DLG2: variants seen among roughly 807,000 people sequenced by gnomAD.
DLG2 encodes the protein disks large homolog 2.
A neutral mutation model predicts 132.5 loss-of-function variants in DLG2; 45 were observed. The observed-to-expected ratio is 0.34, with a 90% confidence interval of 0.27 to 0.44. DLG2 has a LOEUF of 0.44. Among genes scored for constraint, DLG2 ranks in the 20% least tolerant of loss-of-function variants. DLG2 has a pLI of 1.00. For synonymous variants in DLG2, 424 were observed against 419.6 expected (o/e 1.01, Z -0.13); for missense variants, 1,045 against 1,196.9 (o/e 0.87, Z 1.87).
chr11:83,915,331 A>G (rs2076745592), intron 15 of DLG2, among the ~76,000 whole-genome samples: 1 of 152,152 alleles, frequency 6.6e-6, no homozygotes, highest in African/African-American at 2.4e-5. Context: ...AGTATTAAGG[A>G]TTAGTTTTAT....
intron 7 of DLG2, among the ~76,000 whole-genome samples, chr11:84,270,877 C>T (rs2097712855): frequency 1.3e-5 from 2 of 152,146 alleles, no homozygotes; most frequent in Admixed American, 1.3e-4. Flanking sequence ...TTATTTGAGC[C>T]GTATATTTGT....
chr11:84,771,966 A>G (rs1218360273), intron 6 of DLG2, among the ~76,000 whole-genome samples: 2 of 152,206 alleles, frequency 1.3e-5, no homozygotes, highest in Admixed American at 6.5e-5. Flanking sequence ...AATCCCATTG[A>G]CAATAGCTAC....
intron 6 of DLG2, among the ~76,000 whole-genome samples, chr11:84,546,212 A>C (rs2099389478): frequency 6.6e-6 from 1 of 152,058 alleles, no homozygotes; most frequent in South Asian, 2.1e-4. Context: ...ATGGTTTAGC[A>C]TCATCTCCCT....
chr11:84,100,480 T>G (rs2092427165), intron 9 of DLG2, among the ~76,000 whole-genome samples: 1 of 151,686 alleles, frequency 6.6e-6, no homozygotes, highest in East Asian at 1.9e-4. Flanking sequence ...CATGGTTGTG[T>G]TGTAATTTTT....
At chr11:85,306,061 G>T (rs1808949017) in intron 3 of DLG2, among the ~76,000 whole-genome samples, 1 of 152,090 alleles carries the variant, frequency 6.6e-6, no homozygotes, top group South Asian at 2.1e-4. Flanking sequence ...ATTTCTATGA[G>T]ATTCAATCTT....
At chr11:84,413,031 C>T (rs2098915224) in intron 7 of DLG2, among the ~76,000 whole-genome samples, 1 of 152,088 alleles carries the variant, frequency 6.6e-6, no homozygotes, top group Admixed American at 6.6e-5. Flanking sequence ...AATTTGAAAG[C>T]TAGAAATAAG....
chr11:83,714,419 C>A (rs1203540903), intron 18 of DLG2, among the ~76,000 whole-genome samples: 2 of 151,996 alleles, frequency 1.3e-5, no homozygotes, highest in Non-Finnish European at 1.5e-5. Flanking sequence ...AGATAGTATA[C>A]CCATTTCATA....
At chr11:84,328,446 A>G (rs2098443587) in intron 7 of DLG2, among the ~76,000 whole-genome samples, 1 of 152,158 alleles carries the variant, frequency 6.6e-6, no homozygotes, top group Admixed American at 6.5e-5. Flanking sequence ...ATAAATGGAC[A>G]TTTCTTTTAC....
chr11:84,531,317 C>T (rs552113267), intron 7 of DLG2, among the ~76,000 whole-genome samples: 11 of 151,966 alleles, frequency 7.2e-5, no homozygotes, highest in Non-Finnish European at 1.5e-4. Flanking sequence ...GACACTGAGA[C>T]CTACTTGAAA....
At chr11:84,581,912 CAAAAAAAA>C (rs780759635) in intron 6 of DLG2, among the ~76,000 whole-genome samples, 4 of 64,986 alleles carry the variant, frequency 6.2e-5, no homozygotes, top group South Asian at 4.5e-4. Flanking sequence ...TCTCAAAAAC[CAAAAAAAA>C]AAAAAAAAAA....
chr11:84,362,308 A>G (rs981239262), intron 7 of DLG2, among the ~76,000 whole-genome samples: 1 of 151,912 alleles, frequency 6.6e-6, no homozygotes, highest in Non-Finnish European at 1.5e-5. Flanking sequence ...TCTAATGGTA[A>G]CTCTAAGAAA....
intron 19 of DLG2, among the ~76,000 whole-genome samples, chr11:83,623,972 T>C (rs1343465207): frequency 6.6e-6 from 1 of 152,230 alleles, no homozygotes; most frequent in African/African-American, 2.4e-5. Flanking sequence ...TTTTGGGTTA[T>C]GAGGCAAAGT....
chr11:85,074,248 T>G (rs899599116), intron 6 of DLG2, among the ~76,000 whole-genome samples: 10 of 151,784 alleles, frequency 6.6e-5, no homozygotes, highest in African/African-American at 2.4e-4. Flanking sequence ...CTAAAATAAT[T>G]TTTTTAAGGT....
chr11:84,640,875 G>C (rs891339495), intron 6 of DLG2, among the ~76,000 whole-genome samples: 1 of 151,642 alleles, frequency 6.6e-6, no homozygotes, highest in African/African-American at 2.4e-5. Flanking sequence ...AGGAGGTGGA[G>C]GTTGCAGTGA....
chr11:84,615,696 T>C (rs2099602710), intron 6 of DLG2, among the ~76,000 whole-genome samples: 1 of 151,240 alleles, frequency 6.6e-6, no homozygotes, highest in African/African-American at 2.4e-5. Flanking sequence ...TCTATCAAAA[T>C]ACCACAAAAT....
At chr11:85,270,390 A>G (rs2077456471) in intron 4 of DLG2, among the ~76,000 whole-genome samples, 1 of 152,220 alleles carries the variant, frequency 6.6e-6, no homozygotes, top group African/African-American at 2.4e-5. Context: ...CTGTGAGTCC[A>G]TTAAACCTCT....
chr11:83,608,511 G>A (rs1277752591), intron 19 of DLG2, among the ~76,000 whole-genome samples: 1 of 152,094 alleles, frequency 6.6e-6, no homozygotes, highest in Admixed American at 6.5e-5. Flanking sequence ...TGCTCAACCT[G>A]TAAAATGTTG....
At position 84,937,333 on chromosome 11, in the gene DLG2, T is replaced by C. The variant is rs568269148; in HGVS notation, c.357+174328A>G. The stretch of plus-strand genomic sequence containing the variant: ...GGTTTTATCATATTCATTTAATAGA[T>C]GAAGAAACTGAGGCCACTGGGGTTA... On this transcript the variant is annotated intron_variant, in intron 6 of 27. Transcript: ENST00000376104. Among the ~76,000 whole-genome samples the C allele has an allele frequency of 9.5e-5, 14 of 147,580 alleles. No individual in the cohort carries two copies. The South Asian group carries it at 2.8e-3, about 29-fold the overall frequency.
chr11:83,515,500 G>A (rs1394239631), intron 21 of DLG2, among the ~76,000 whole-genome samples: 1 of 152,060 alleles, frequency 6.6e-6, no homozygotes, highest in Admixed American at 6.6e-5. Flanking sequence ...ATTTTTTGAA[G>A]GGTTTTTTGT....
Sources: gnomAD v4.1 joint callset for allele counts (sites outside exome capture counted in the v4.1 genomes callset) on GRCh38, gnomAD v4.1.1 for gene constraint, MANE v1.5 for transcripts, NCBI Gene and HGNC (gene_info 2026-07-23, HGNC 2026-07-21) for gene names.